Variants in BCKDHB observed in about 807,000 individuals in gnomAD.
The protein encoded by BCKDHB is branched chain keto acid dehydrogenase E1 subunit beta, also known as 2-oxoisovalerate dehydrogenase subunit beta, mitochondrial.
BCKDHB carries 41 observed loss-of-function variants against 48.5 expected under a neutral mutation model. The observed-to-expected ratio is 0.85, with a 90% CI of 0.66 to 1.10. The LOEUF (loss-of-function observed/expected upper bound fraction) is 1.10, where lower values mean the gene tolerates loss of function less well. Ranked by LOEUF, BCKDHB falls within the 50% of genes least tolerant of loss-of-function variation. The probability of loss-of-function intolerance (pLI) is 0.00; values close to 1 mark genes in which losing one functional copy is unlikely to be tolerated. For synonymous variants in BCKDHB, 201 were observed against 174.8 expected (o/e 1.15, Z -1.18); for missense variants, 496 against 494.2 (o/e 1.00, Z -0.03).
intron 3 of BCKDHB, among the ~76,000 whole-genome samples, chr6:80,141,344 G>A (rs900412598): frequency 6.6e-6 from 1 of 152,014 alleles, no homozygotes; most frequent in South Asian, 2.1e-4. Flanking sequence ...GAAATAAGAG[G>A]CTAGCGATCA....
the BCKDHB span, among the ~76,000 whole-genome samples, chr6:80,371,076 T>C: frequency 1.3e-5 from 2 of 152,104 alleles, no homozygotes; most frequent in Non-Finnish European, 2.9e-5. Flanking sequence ...CTATTTTCCA[T>C]AGTGGTTGTA....
intron 8 of BCKDHB, among the ~76,000 whole-genome samples, chr6:80,252,831 C>T (rs886320161): frequency 2.6e-5 from 4 of 152,162 alleles, no homozygotes; most frequent in African/African-American, 9.7e-5. Context: ...ACAACCTACT[C>T]TCACACAGTT....
At chr6:80,250,500 G>A (rs1776793874) in intron 8 of BCKDHB, among the ~76,000 whole-genome samples, 1 of 152,140 alleles carries the variant, frequency 6.6e-6, no homozygotes, top group Non-Finnish European at 1.5e-5. Flanking sequence ...GAGGGAAAAG[G>A]GAGAGGGAGA....
chr6:80,236,677 A>G (rs1182925002), intron 8 of BCKDHB, among the ~76,000 whole-genome samples: 1 of 152,186 alleles, frequency 6.6e-6, no homozygotes, highest in Non-Finnish European at 1.5e-5. Context: ...CATACTAACA[A>G]GGGTTGAGCT....
At chr6:80,138,087 A>G (rs1013548461) in intron 3 of BCKDHB, among the ~76,000 whole-genome samples, 2 of 151,966 alleles carry the variant, frequency 1.3e-5, no homozygotes, top group African/African-American at 2.4e-5. Context: ...GACTCTAAAA[A>G]AAATAGTGCA....
the BCKDHB span, among the ~76,000 whole-genome samples, chr6:80,457,386 T>G: frequency 6.6e-6 from 1 of 152,160 alleles, no homozygotes; most frequent in African/African-American, 2.4e-5. Context: ...CTGCAGCTAT[T>G]GCTTGACTTT....
chr6:80,370,964 C>T, the BCKDHB span, among the ~76,000 whole-genome samples: 1 of 152,008 alleles, frequency 6.6e-6, no homozygotes, highest in African/African-American at 2.4e-5. Flanking sequence ...GCTCAAATAT[C>T]TTTTTCATAT....
At chr6:80,192,283 T>C (rs12110563) in intron 6 of BCKDHB, among the ~76,000 whole-genome samples, 16,483 of 152,168 alleles carry the variant, frequency 0.11, 1,492 homozygotes, top group South Asian at 0.24. Flanking sequence ...GTAATATTTT[T>C]TCCCTTTTAA....
At chr6:80,221,651 AATG>A (rs373636633) in intron 8 of BCKDHB, among the ~76,000 whole-genome samples, 11 of 152,204 alleles carry the variant, frequency 7.2e-5, no homozygotes, top group African/African-American at 2.6e-4. Context: ...AGAACGACTG[AATG>A]ATGATGAATG....
chr6:80,384,813 A>G, the BCKDHB span, among the ~76,000 whole-genome samples: 1 of 152,188 alleles, frequency 6.6e-6, no homozygotes, highest in African/African-American at 2.4e-5. Context: ...CCTGACTAAT[A>G]CAGATTTTGC....
At chr6:80,319,195 G>A (rs900040074) in intron 9 of BCKDHB, among the ~76,000 whole-genome samples, 2 of 152,166 alleles carry the variant, frequency 1.3e-5, no homozygotes, top group Non-Finnish European at 2.9e-5. Flanking sequence ...AGAATTACAT[G>A]AAACAATCTG....
the BCKDHB span, among the ~76,000 whole-genome samples, chr6:80,390,387 G>A: frequency 6.6e-6 from 1 of 152,188 alleles, no homozygotes; most frequent in Non-Finnish European, 1.5e-5. Context: ...ATGGGTAGTA[G>A]AAAAAGGTAG....
chr6:80,120,478 A>G (rs1293214006), intron 1 of BCKDHB, among the ~76,000 whole-genome samples: 8 of 152,162 alleles, frequency 5.3e-5, no homozygotes, highest in Non-Finnish European at 1.2e-4. Context: ...ACTCCCACCA[A>G]GAGTGTAAAA....
At chr6:80,397,954 T>A in the BCKDHB span, among the ~76,000 whole-genome samples, 1 of 152,068 alleles carries the variant, frequency 6.6e-6, no homozygotes, top group Non-Finnish European at 1.5e-5. Context: ...TACATGGAAG[T>A]TAAACAAGTT....
In BCKDHB at chr6:80,147,570, G is replaced by T. The variant is rs140867169; in HGVS notation, c.343+18341G>T. On this transcript the variant is annotated intron_variant, in intron 3 of 9. Coordinates refer to ENST00000320393, the MANE Select transcript of BCKDHB (RefSeq NM_183050.4). ...AATTGTAATTTAAAACATAACTGTG[G>T]TCACAGTGTAGAGAAGCTGAGACTA... Among the ~76,000 whole-genome samples, 265 of 152,230 alleles carry T rather than the reference G, an allele frequency of 1.7e-3. 1 individual carries two copies. The highest frequency in any genetic ancestry group is 6.0e-3 in the African/African-American group (251 of 41,550).
At chr6:80,209,126 A>C (rs1332885360) in intron 8 of BCKDHB, among the ~76,000 whole-genome samples, 1 of 151,942 alleles carries the variant, frequency 6.6e-6, no homozygotes, top group African/African-American at 2.4e-5. Context: ...TTCATGATTA[A>C]AATTTCATAG....
At chr6:80,465,372 TCA>T in the BCKDHB span, among the ~76,000 whole-genome samples, 1 of 152,234 alleles carries the variant, frequency 6.6e-6, no homozygotes, top group African/African-American at 2.4e-5. Context: ...CCATTTTCTG[TCA>T]CAAATCTCAC....
At chr6:80,294,527 G>A (rs1263685625) in intron 9 of BCKDHB, among the ~76,000 whole-genome samples, 1 of 152,192 alleles carries the variant, frequency 6.6e-6, no homozygotes, top group Non-Finnish European at 1.5e-5. Context: ...CGATGTGCAA[G>A]TAGGAGACAT....
At chr6:80,341,463 G>A (rs1769901971) in intron 9 of BCKDHB, among the ~76,000 whole-genome samples, 1 of 152,190 alleles carries the variant, frequency 6.6e-6, no homozygotes, top group Admixed American at 6.5e-5. Context: ...ACTGTTTACA[G>A]TTCAAGTGTG....
Sources: allele counts gnomAD v4.1 joint callset (sites outside exome capture counted in the v4.1 genomes callset), GRCh38; gene constraint gnomAD v4.1.1; transcripts MANE v1.5; gene names NCBI Gene and HGNC (gene_info 2026-07-23, HGNC 2026-07-21).